Variants in CDHR1 observed in about 807,000 individuals in gnomAD.
The protein encoded by CDHR1 is cadherin-related family member 1.
CDHR1 carries 61 observed loss-of-function variants against 72.1 expected under a neutral mutation model. That is an observed-to-expected ratio of 0.85 (90% CI 0.69 to 1.05). CDHR1 has a LOEUF of 1.05. Among genes scored for constraint, CDHR1 ranks in the 50% least tolerant of loss-of-function variants. The pLI, the probability that CDHR1 is intolerant of heterozygous loss-of-function variation, is 0.00. For synonymous variants in CDHR1, 470 were observed against 448.1 expected (o/e 1.05, Z -0.62); for missense variants, 1,186 against 1,115.7 (o/e 1.06, Z -0.90).
Position 84,217,361 on chromosome 10 carries a change from A to T in CDHR1, c.*2740A>T. ...CTCATGGACAATAAATGGATGTGAC[A>T]CCAAATACTCTGCAGAGTCATTTTC... is the stretch of plus-strand genomic sequence containing the variant. On this transcript the variant is annotated 3_prime_UTR_variant, in exon 17 of 17. Coordinates refer to ENST00000623527, the MANE Select transcript of CDHR1 (RefSeq NM_033100.4). 1 of 985,454 alleles carries T rather than the reference A, an allele frequency of 1.0e-6. No homozygotes were observed. Among genetic ancestry groups the T allele is most frequent in the Non-Finnish European group, 1.2e-6 (1 of 829,934 alleles). 61.0% of individuals were successfully genotyped at this position (985,454 alleles called of 1,614,324 possible). A position where few individuals can be genotyped will look rare whatever the true frequency, so the allele number is the denominator to read the frequency against.
chr10:84,217,942 C>G lies in CDHR1; in HGVS notation c.*3321C>G, dbSNP rs1335683200. 7 of 985,348 alleles carry G rather than the reference C, an allele frequency of 7.1e-6. No individual in the cohort carries two copies. In the South Asian group the frequency reaches 1.9e-4, roughly 26 times the overall value. The allele number at this position is 985,348 out of a possible 1,614,324, so 61.0% of individuals were successfully genotyped here. ...CAAGCAGCTGTCCCTCAGAATCCTG[C>G]TAGAAAAGTGTGATCAGAGCTGGGA... is the stretch of plus-strand genomic sequence containing the variant. On this transcript the variant is annotated 3_prime_UTR_variant, in exon 17 of 17. Coordinates refer to ENST00000623527, the MANE Select transcript of CDHR1 (RefSeq NM_033100.4).
At chr10:84,219,351 T>C (rs1480398709), downstream of CDHR1, 2 of 1,528,764 alleles carry the variant, frequency 1.3e-6, no homozygotes, top group Non-Finnish European at 1.8e-6. Flanking sequence ...CAGAAGCAAC[T>C]GAATACTTCC....
chr10:84,213,398 A>T lies in CDHR1; in HGVS notation c.2040+50A>T, dbSNP rs746810591. 4.3e-6 allele frequency: 7 copies of T among 1,612,626 alleles called. No individual in the cohort carries two copies. The African/African-American group carries it at 6.7e-5, about 15-fold the overall frequency. On this transcript the variant is annotated intron_variant, in intron 16 of 16. Coordinates refer to ENST00000623527, the MANE Select transcript of CDHR1 (RefSeq NM_033100.4). ...AAAAGGGGTCAGCAGGCCAGCTCAG[A>T]CCTCTCTGCAACGTGGGCAGAGCGA...
At chr10:84,202,132 G>A (rs900414035) in intron 7 of CDHR1, among the ~76,000 whole-genome samples, 11 of 152,140 alleles carry the variant, frequency 7.2e-5, no homozygotes, top group Non-Finnish European at 1.2e-4. Context: ...ATGCCTCCTC[G>A]AAACTAATGG....
In CDHR1 at chr10:84,214,238, G is replaced by T. The variant is rs1589309412; in HGVS notation, c.2197G>T (p.Val733Phe). Reference sequence around the variant, plus strand: ...CTGGCGCAACAAGAAGTCTAACAAGGTCCTGCCAATGCGGCGGGTGCTCCG... The same window carrying T: ...CTGGCGCAACAAGAAGTCTAACAAGTTCCTGCCAATGCGGCGGGTGCTCCG... ...TFWRNKKSNK[V>F]LPMRRVLRKR... Residue 733 changes from valine (V) to phenylalanine (F), a missense_variant, in exon 17 of 17, where the codon GTC becomes TTC. Physicochemically the swap from Val to Phe is conservative, Grantham distance 50 (BLOSUM62 -1). Transcript: ENST00000623527. The T allele has an allele frequency of 6.2e-7, 1 of 1,614,086 alleles. No individual in the cohort carries two copies. The highest frequency in any genetic ancestry group is 8.5e-7 in the Non-Finnish European group (1 of 1,180,042).
chr10:84,209,135 T>C (rs967231566), intron 12 of CDHR1, among the ~76,000 whole-genome samples: 6 of 152,196 alleles, frequency 3.9e-5, no homozygotes, highest in Non-Finnish European at 7.3e-5. Context: ...CCAATATAAT[T>C]TGCCATGTTA....
rs899614534 is a variant in CDHR1, at chr10:84,201,794, C to A, written c.526-13C>A. 5.0e-6 allele frequency: 8 copies of A among 1,607,158 alleles called. No homozygotes were observed. Among genetic ancestry groups the A allele is most frequent in the Non-Finnish European group, 6.8e-6 (8 of 1,178,198 alleles). ...ATTCTTGCTGAGGTCCAGCTGCCCC[C>A]TAATTCTTATAGAACCTGCACTCCC... On this transcript the variant is annotated splice_polypyrimidine_tract_variant and intron_variant, in intron 6 of 16. Transcript: ENST00000623527.
chr10:84,212,466 T>C (rs1842353445), intron 15 of CDHR1, 59 bp downstream of exon 15: 2 of 1,380,522 alleles, frequency 1.4e-6, no homozygotes, highest in African/African-American at 1.4e-5. Flanking sequence ...CTCCAAGAGA[T>C]ACTGAGGCAT....
In CDHR1 at chr10:84,217,705, A is replaced by AC. The variant is rs1842447399; in HGVS notation, c.*3090dup. ...GAGAGGACCCCCTCCATGCATCCTC[A>AC]CCCCCCAGGATGTTTCCACCCACCT... On this transcript the variant is annotated 3_prime_UTR_variant, in exon 17 of 17. Transcript: ENST00000623527. 3.0e-6 allele frequency: 3 copies of AC among 985,158 alleles called. No homozygotes were observed. Among genetic ancestry groups the AC allele is most frequent in the Non-Finnish European group, 3.6e-6 (3 of 829,944 alleles). 61.0% of individuals were successfully genotyped at this position (985,158 alleles called of 1,614,324 possible).
In CDHR1 at chr10:84,200,337, G is replaced by T. The variant is rs180821453; in HGVS notation, c.439-264G>T. Among the ~76,000 whole-genome samples, 15 of 152,288 alleles carry T rather than the reference G, an allele frequency of 9.8e-5. 1 individual carries two copies. The East Asian group carries it at 2.9e-3, about 29-fold the overall frequency. ...TAGGTAGACCTTTTATCTGTTTGGG[G>T]TCTTGGTTTTTTTCTTCTCCCTCTC... On this transcript the variant is annotated intron_variant, in intron 5 of 16. Coordinates refer to ENST00000623527, the MANE Select transcript of CDHR1 (RefSeq NM_033100.4).
chr10:84,201,622 G>A (rs1285481682), intron 6 of CDHR1, among the ~76,000 whole-genome samples, 185 bp from the exon 7 acceptor site: 1 of 152,220 alleles, frequency 6.6e-6, no homozygotes, highest in African/African-American at 2.4e-5. Flanking sequence ...GGGTGTGGGA[G>A]GGAAAGCCCC....
intron 14 of CDHR1, 106 bp downstream of exon 14, chr10:84,211,821 G>A (rs766834660): frequency 3.0e-6 from 3 of 998,480 alleles, no homozygotes; most frequent in Non-Finnish European, 4.8e-6. Flanking sequence ...AGGGACAGGA[G>A]CCTGGGTGAA....
In CDHR1 at chr10:84,218,153, T is replaced by C. The variant is rs189028295; in HGVS notation, c.*3532T>C. 1.0e-6 allele frequency: 1 copy of C among 985,456 alleles called. No homozygotes were observed. Among genetic ancestry groups the C allele is most frequent in the South Asian group, 4.7e-5 (1 of 21,284 alleles). The allele number at this position is 985,456 out of a possible 1,614,324, so 61.0% of individuals were successfully genotyped here. A position where few individuals can be genotyped will look rare whatever the true frequency, so the allele number is the denominator to read the frequency against. On this transcript the variant is annotated 3_prime_UTR_variant, in exon 17 of 17. Transcript: ENST00000623527. ...GGATGGAGAGGGAGAATGGAGAAGA[T>C]GCCACATGAGGAATGAGGCAGGAGA...
rs985230539 is a variant in CDHR1 at position 84,194,703 on chromosome 10, T to A, written c.-58T>A. The A allele has an allele frequency of 7.1e-6, 10 of 1,404,584 alleles. No individual in the cohort carries two copies. In the Admixed American group the frequency reaches 1.4e-4, roughly 19 times the overall value. The allele number at this position is 1,404,584 out of a possible 1,614,324, so 87.0% of individuals were successfully genotyped here. A position where few individuals can be genotyped will look rare whatever the true frequency, so the allele number is the denominator to read the frequency against. ...CCCTCCCCGCGGGCCCAGGGCATGCTCCGTGCCCCTGCGCCCGGTCTCGGC... is the reference window on the plus strand; with the variant it reads ...CCCTCCCCGCGGGCCCAGGGCATGCACCGTGCCCCTGCGCCCGGTCTCGGC... On this transcript the variant is annotated 5_prime_UTR_variant, in exon 1 of 17. Transcript: ENST00000623527.
In CDHR1 at chr10:84,201,894, AC is replaced by A. The variant is rs1183979115; in HGVS notation, c.616del (p.His206ThrfsTer61). ...GATLDYERSR[T>X]HYITVVAKDG... is the part of the protein sequence containing the mutation. Reference sequence around the variant, plus strand: ...CACTCTGGACTACGAGAGGTCCCGGACCCACTACATCACCGTGGTCGCCAAG... The same window carrying A: ...CACTCTGGACTACGAGAGGTCCCGGACCACTACATCACCGTGGTCGCCAAG... On this transcript the variant is annotated frameshift_variant, in exon 7 of 17. Transcript: ENST00000623527. LOFTEE classifies it high-confidence loss of function. The A allele has an allele frequency of 2.5e-6, 4 of 1,607,038 alleles. No individual in the cohort carries two copies. The highest frequency in any genetic ancestry group is 1.1e-5 in the South Asian group (1 of 91,072).
Position 84,215,972 on chromosome 10 carries a change from G to A in CDHR1, c.*1351G>A. 2.0e-6 allele frequency: 2 copies of A among 985,260 alleles called. No individual in the cohort carries two copies. The highest frequency in any genetic ancestry group is 2.4e-6 in the Non-Finnish European group (2 of 829,898). 61.0% of individuals were successfully genotyped at this position (985,260 alleles called of 1,614,324 possible). A position where few individuals can be genotyped will look rare whatever the true frequency, so the allele number is the denominator to read the frequency against. ...TCAAGGAGGGAATGCTTTGCTTGAG[G>A]CCACACAGCAGGTTGGTAGCAAAGA... On this transcript the variant is annotated 3_prime_UTR_variant, in exon 17 of 17. Transcript: ENST00000623527.
At chr10:84,195,693 G>C (rs1018414755) in intron 2 of CDHR1, 104 bp downstream of exon 2, 2 of 921,026 alleles carry the variant, frequency 2.2e-6, no homozygotes, top group South Asian at 1.4e-5. Flanking sequence ...GCGCGCGCCC[G>C]GGGGCTCCTT....
At chr10:84,210,292 G>A (rs1483936038) in intron 12 of CDHR1, among the ~76,000 whole-genome samples, 1 of 151,876 alleles carries the variant, frequency 6.6e-6, no homozygotes, top group African/African-American at 2.4e-5. Flanking sequence ...TGAGACAAGA[G>A]TCTCACTCTT....
rs1278501155 is a variant in CDHR1 at position 84,215,289 on chromosome 10, G to A, written c.*668G>A. 1.0e-6 allele frequency: 1 copy of A among 988,082 alleles called. No individual in the cohort carries two copies. Among genetic ancestry groups the A allele is most frequent in the Non-Finnish European group, 1.2e-6 (1 of 831,684 alleles). 61.2% of individuals were successfully genotyped at this position (988,082 alleles called of 1,614,324 possible). A position where few individuals can be genotyped will look rare whatever the true frequency, so the allele number is the denominator to read the frequency against. On this transcript the variant is annotated 3_prime_UTR_variant, in exon 17 of 17. Transcript: ENST00000623527. ...ACGTGGGACAGAGGACACAGAGGTGGAAGATTGATCTTGCCAAGAGTGAGG... is the reference window on the plus strand; with the variant it reads ...ACGTGGGACAGAGGACACAGAGGTGAAAGATTGATCTTGCCAAGAGTGAGG...
Sources: gnomAD v4.1 joint callset for allele counts (sites outside exome capture counted in the v4.1 genomes callset) on GRCh38, gnomAD v4.1.1 for gene constraint, MANE v1.5 for transcripts, NCBI Gene and HGNC (gene_info 2026-07-23, HGNC 2026-07-21) for gene names.